MYLK4: variants seen among roughly 807,000 people sequenced by gnomAD.
MYLK4 encodes caMLCK like.
A neutral mutation model predicts 48.1 loss-of-function variants in MYLK4; 46 were observed. That is an observed-to-expected ratio of 0.96 (90% CI 0.75 to 1.22). MYLK4 has a LOEUF of 1.22. Among genes scored for constraint, MYLK4 ranks in the 50% most tolerant of loss-of-function variants. MYLK4 has a pLI of 0.00. For synonymous variants in MYLK4, 170 were observed against 180.8 expected (o/e 0.94, Z 0.48); for missense variants, 451 against 486.1 (o/e 0.93, Z 0.68).
rs1174247469 is a variant in MYLK4, at chr6:2,663,993, G to A, written c.*3932C>T. On this transcript the variant is annotated 3_prime_UTR_variant, in exon 13 of 13. Coordinates refer to ENST00000274643, the MANE Select transcript of MYLK4 (RefSeq NM_001012418.5). Reference sequence around the variant, plus strand: ...AGAAAGACCACTTATACAAAGCACAGCGCACTAAAATGGAGCAAAAAGAAA... The same window carrying A: ...AGAAAGACCACTTATACAAAGCACAACGCACTAAAATGGAGCAAAAAGAAA... The A allele has an allele frequency of 6.6e-6, 1 of 152,180 alleles. No individual in the cohort carries two copies. The highest frequency in any genetic ancestry group is 1.5e-5 in the Non-Finnish European group (1 of 68,038). The allele number at this position is 152,180 out of a possible 1,614,324, so 9.4% of individuals were successfully genotyped here. A position where few individuals can be genotyped will look rare whatever the true frequency, so the allele number is the denominator to read the frequency against.
chr6:2,757,678 C>T, the MYLK4 span, among the ~76,000 whole-genome samples: 15 of 150,624 alleles, frequency 1.0e-4, no homozygotes, highest in African/African-American at 3.7e-4. Context: ...GATCCGGGCA[C>T]AGTAGATGCA....
chr6:2,765,694 G>C, the MYLK4 span: 4 of 1,549,366 alleles, frequency 2.6e-6, no homozygotes, highest in Non-Finnish European at 3.5e-6. Context: ...CCGTGTGCCA[G>C]CAGATGATGC....
intron 2 of MYLK4, among the ~76,000 whole-genome samples, chr6:2,722,512 A>AGC (rs1554131145): frequency 7.2e-6 from 1 of 139,440 alleles, no homozygotes; most frequent in Non-Finnish European, 1.6e-5. Context: ...ACATAAAAGG[A>AGC]GTGTGTGTGT....
At chr6:2,695,128 TA>T (rs1375872250) in intron 2 of MYLK4, among the ~76,000 whole-genome samples, 1 of 152,236 alleles carries the variant, frequency 6.6e-6, no homozygotes, top group Non-Finnish European at 1.5e-5. Context: ...TTTGAAAGCA[TA>T]TATCCAAATT....
At chr6:2,716,313 A>G (rs1762864677) in intron 2 of MYLK4, among the ~76,000 whole-genome samples, 1 of 152,234 alleles carries the variant, frequency 6.6e-6, no homozygotes, top group Non-Finnish European at 1.5e-5. Flanking sequence ...GAAGTTGAAA[A>G]TTATCTTTAT....
chr6:2,691,636 T>C (rs2113167142), intron 3 of MYLK4, among the ~76,000 whole-genome samples: 1 of 152,384 alleles, frequency 6.6e-6, no homozygotes, highest in East Asian at 1.9e-4. Context: ...TAGTCATTAT[T>C]TAATTCTTGT....
At chr6:2,717,914 C>A (rs912213119) in intron 2 of MYLK4, among the ~76,000 whole-genome samples, 1 of 152,170 alleles carries the variant, frequency 6.6e-6, no homozygotes, top group Non-Finnish European at 1.5e-5. Flanking sequence ...GGTGCAGTGG[C>A]TCATGCCTGT....
the MYLK4 span, chr6:2,770,214 G>A: frequency 6.2e-7 from 1 of 1,614,214 alleles, no homozygotes; most frequent in Non-Finnish European, 8.5e-7. Context: ...GCTCTTCTGA[G>A]CCGCTGTCGA....
chr6:2,758,850 G>A, the MYLK4 span, among the ~76,000 whole-genome samples: 1 of 152,054 alleles, frequency 6.6e-6, no homozygotes, highest in Admixed American at 6.6e-5. Flanking sequence ...TTTGTTGTAT[G>A]AATATTACAA....
chr6:2,678,122 A>G (rs1052726108), intron 10 of MYLK4, 98 bp downstream of exon 10: 1 of 1,436,556 alleles, frequency 7.0e-7, no homozygotes, highest in Non-Finnish European at 9.5e-7. Context: ...CAAGCATCAC[A>G]GATGTTAGTA....
intron 2 of MYLK4, among the ~76,000 whole-genome samples, chr6:2,735,643 G>A: frequency 6.6e-6 from 1 of 152,122 alleles, no homozygotes; most frequent in Non-Finnish European, 1.5e-5. Context: ...TTCAGGAATG[G>A]AGGTCCAAAC....
chr6:2,693,787 C>T (rs577357076), intron 2 of MYLK4, among the ~76,000 whole-genome samples: 505 of 139,016 alleles, frequency 3.6e-3, no homozygotes, highest in African/African-American at 0.013. Flanking sequence ...GATGGAGTTT[C>T]GCTCTTGTTG....
the MYLK4 span, chr6:2,770,248 A>G: frequency 1.9e-5 from 31 of 1,614,088 alleles, no homozygotes; most frequent in Non-Finnish European, 2.5e-5. Context: ...AGAAGCTTCC[A>G]GTAGAGGCAA....
At chr6:2,756,978 T>C in the MYLK4 span, among the ~76,000 whole-genome samples, 1 of 152,184 alleles carries the variant, frequency 6.6e-6, no homozygotes, top group African/African-American at 2.4e-5. Context: ...AGGCATGAAA[T>C]TACAGAAGTG....
rs542820007 is a variant in MYLK4, at chr6:2,703,210, C to A, written c.160-10351G>T. Among the ~76,000 whole-genome samples, 4 of 152,288 alleles carry A rather than the reference C, an allele frequency of 2.6e-5. No individual in the cohort carries two copies. In the East Asian group the frequency reaches 7.7e-4, roughly 29 times the overall value. ...ACCTTGATACGTGAGCAACTGTGGA[C>A]TCCCAGTTATTAGTGTACAGACCAG... On this transcript the variant is annotated intron_variant, in intron 2 of 12. Transcript: ENST00000274643.
At chr6:2,677,789 T>G (rs1400263328) in intron 10 of MYLK4, among the ~76,000 whole-genome samples, 1 of 151,956 alleles carries the variant, frequency 6.6e-6, no homozygotes, top group Non-Finnish European at 1.5e-5. Flanking sequence ...GGGTCAGGGG[T>G]GGTAGTTAAA....
chr6:2,732,030 C>G (rs1763495253), intron 2 of MYLK4, among the ~76,000 whole-genome samples: 1 of 152,186 alleles, frequency 6.6e-6, no homozygotes, highest in Non-Finnish European at 1.5e-5. Context: ...CTAAACAGAC[C>G]TGGAAATTGA....
At chr6:2,717,943 G>A (rs554192227) in intron 2 of MYLK4, among the ~76,000 whole-genome samples, 3 of 152,250 alleles carry the variant, frequency 2.0e-5, no homozygotes, top group South Asian at 2.1e-4. Flanking sequence ...CACTTTGGGC[G>A]GCCGAGGCAG....
At chr6:2,766,156 G>T in the MYLK4 span, 33 of 1,329,304 alleles carry the variant, frequency 2.5e-5, no homozygotes, top group African/African-American at 4.9e-4. Context: ...ACGGGGACGC[G>T]GACGCGGACG....
Sources: allele counts gnomAD v4.1 joint callset (sites outside exome capture counted in the v4.1 genomes callset), GRCh38; gene constraint gnomAD v4.1.1; transcripts MANE v1.5; gene names NCBI Gene and HGNC (gene_info 2026-07-23, HGNC 2026-07-21).